Variants in SH3D19 observed in about 807,000 individuals in gnomAD.
SH3D19 encodes the protein SH3 domain containing 19, also known as SH3 domain-containing protein 19.
SH3D19 carries 58 observed loss-of-function variants against 112.1 expected under a neutral mutation model. The observed-to-expected ratio is 0.52, with a 90% confidence interval of 0.42 to 0.64. SH3D19 has a LOEUF of 0.64. Ranked by LOEUF, SH3D19 falls within the 30% of genes least tolerant of loss-of-function variation. SH3D19 has a pLI of 0.00. For missense variants in SH3D19, 1,090 were observed against 1,263.4 expected, an observed-to-expected ratio of 0.86 and a Z score of 2.08; for synonymous variants, 391 against 448.5, an observed-to-expected ratio of 0.87 and a Z score of 1.62.
At chr4:151,124,803 A>G (rs565575309) in intron 19 of SH3D19, among the ~76,000 whole-genome samples, 88 of 152,318 alleles carry the variant, frequency 5.8e-4, no homozygotes, top group Non-Finnish European at 1.2e-3. Flanking sequence ...TCCCTTAACA[A>G]CAACAATAAC....
Position 151,121,977 on chromosome 4 carries a change from T to C in SH3D19, c.*114A>G. The stretch of plus-strand genomic sequence containing the variant: ...TTTCAGAAAATTCTAGTGTACCATG[T>C]ACAGCTTAGATATTTCTTTTTCAGT... On this transcript the variant is annotated 3_prime_UTR_variant, in exon 20 of 20. Coordinates refer to ENST00000604030, the MANE Select transcript of SH3D19 (RefSeq NM_001378122.1). 3.0e-6 allele frequency: 2 copies of C among 666,610 alleles called. No homozygotes were observed. Among genetic ancestry groups the C allele is most frequent in the Non-Finnish European group, 5.3e-6 (2 of 374,906 alleles). The allele number at this position is 666,610 out of a possible 1,614,324, so 41.3% of individuals were successfully genotyped here.
In SH3D19 at chr4:151,127,663, G is replaced by C; in HGVS notation, c.2982C>G (p.Ala994=). ...CATTCTCCCCTCGGAAATCATATAAGGCTTTGGCCTTCCTCCCCTTCGGTA... is the reference window on the plus strand; with the variant it reads ...CATTCTCCCCTCGGAAATCATATAACGCTTTGGCCTTCCTCCCCTTCGGTA... ...AIVPKGRKAK[A]LYDFRGENED... The change falls in exon 19 of 20, where the codon GCC becomes GCG. Residue 994 remains alanine (A), a synonymous_variant. Transcript: ENST00000604030. The C allele has an allele frequency of 6.2e-7, 1 of 1,606,324 alleles. No homozygotes were observed. Among genetic ancestry groups the C allele is most frequent in the Admixed American group, 1.7e-5 (1 of 58,078 alleles).
chr4:151,231,384 T>C (rs1411345961), intron 1 of SH3D19, among the ~76,000 whole-genome samples: 2 of 152,188 alleles, frequency 1.3e-5, no homozygotes, highest in South Asian at 2.1e-4. Flanking sequence ...TTCAAGCATA[T>C]ATATACATAC....
At chr4:151,135,208 A>C in intron 14 of SH3D19, 76 bp from the exon 15 acceptor site, 1 of 1,209,354 alleles carries the variant, frequency 8.3e-7, no homozygotes, top group South Asian at 1.4e-5. Context: ...TTAAGTAATT[A>C]GAAAGTACAT....
intron 17 of SH3D19, among the ~76,000 whole-genome samples, chr4:151,130,758 G>A (rs1046567095): frequency 4.6e-5 from 7 of 152,170 alleles, no homozygotes; most frequent in Middle Eastern, 3.4e-3. Context: ...TGGCCAAGAC[G>A]GTAAAACCCC....
intron 11 of SH3D19, among the ~76,000 whole-genome samples, chr4:151,144,754 A>C (rs538521267): frequency 1.8e-4 from 28 of 152,230 alleles, no homozygotes; most frequent in African/African-American, 6.5e-4. Context: ...TCTGATACCA[A>C]GTGTCTACTT....
At chr4:151,288,081 G>A (rs962424331) in intron 1 of SH3D19, among the ~76,000 whole-genome samples, 2 of 150,970 alleles carry the variant, frequency 1.3e-5, no homozygotes, top group Admixed American at 6.6e-5. Context: ...AACGCTTCAC[G>A]TTAAAAAAAA....
At chr4:151,279,755 A>G (rs765583682) in intron 1 of SH3D19, 2 of 1,593,112 alleles carry the variant, frequency 1.3e-6, no homozygotes, top group Non-Finnish European at 1.7e-6. Flanking sequence ...GAGAAACAGG[A>G]CTCCTAGGTT....
rs1445739712 is a variant in SH3D19, at chr4:151,325,511, C to T, written c.-159G>A. On this transcript the variant is annotated 5_prime_UTR_variant, in exon 1 of 20. Transcript: ENST00000604030. ...CGGCGGCTGTGGAAATGGCCACCTC[C>T]GCGAACTCCACCTGCAGCCGGCCGG... 3.8e-5 allele frequency: 12 copies of T among 316,090 alleles called. No homozygotes were observed. The highest frequency in any genetic ancestry group is 1.5e-4 in the Admixed American group (3 of 19,808). The allele number at this position is 316,090 out of a possible 1,614,324, so 19.6% of individuals were successfully genotyped here. A position where few individuals can be genotyped will look rare whatever the true frequency, so the allele number is the denominator to read the frequency against.
At chr4:151,191,363 C>T (rs1409395861) in intron 2 of SH3D19, among the ~76,000 whole-genome samples, 1 of 152,126 alleles carries the variant, frequency 6.6e-6, no homozygotes, top group Non-Finnish European at 1.5e-5. Context: ...GAGGACATGA[C>T]ATTTGGGAGG....
At chr4:151,251,495 T>C (rs1250176799) in intron 1 of SH3D19, among the ~76,000 whole-genome samples, 2 of 152,196 alleles carry the variant, frequency 1.3e-5, no homozygotes, top group Non-Finnish European at 2.9e-5. Context: ...CCACTGCACA[T>C]GGCCCATTTG....
chr4:151,293,119 CAAAAT>C (rs1351702567), intron 1 of SH3D19, among the ~76,000 whole-genome samples: 2 of 151,022 alleles, frequency 1.3e-5, no homozygotes, highest in South Asian at 2.1e-4. Flanking sequence ...GACTCTGTCT[CAAAAT>C]AAAATAAAAT....
intron 2 of SH3D19, among the ~76,000 whole-genome samples, chr4:151,202,292 G>T (rs917721969): frequency 2.0e-5 from 3 of 152,122 alleles, no homozygotes; most frequent in Admixed American, 6.5e-5. Flanking sequence ...CCGAGATCGC[G>T]CCACTGAATG....
intron 2 of SH3D19, among the ~76,000 whole-genome samples, chr4:151,198,436 A>T (rs1462254699): frequency 7.1e-6 from 1 of 140,896 alleles, no homozygotes; most frequent in South Asian, 2.1e-4. Flanking sequence ...TATTATATAA[A>T]ATATATATAA....
chr4:151,161,935 C>CT (rs910043751), intron 8 of SH3D19, among the ~76,000 whole-genome samples: 6 of 149,280 alleles, frequency 4.0e-5, no homozygotes, highest in East Asian at 2.0e-4. Context: ...TGGCTAAATT[C>CT]TTTTTTTTTA....
chr4:151,141,693 C>T (rs1753019263), intron 12 of SH3D19, among the ~76,000 whole-genome samples: 1 of 152,138 alleles, frequency 6.6e-6, no homozygotes, highest in Non-Finnish European at 1.5e-5. Context: ...TATACATGTG[C>T]ATGTGTGATT....
intron 1 of SH3D19, among the ~76,000 whole-genome samples, chr4:151,263,653 C>T (rs993701248): frequency 3.3e-5 from 5 of 152,196 alleles, no homozygotes; most frequent in African/African-American, 1.2e-4. Context: ...AGGAAAGGAT[C>T]AGCTTCCAAG....
chr4:151,228,395 A>T (rs773228290), intron 1 of SH3D19, among the ~76,000 whole-genome samples: 2 of 152,176 alleles, frequency 1.3e-5, no homozygotes, highest in Non-Finnish European at 2.9e-5. Flanking sequence ...TCTTGGCTTG[A>T]TCTTTTCCCT....
At chr4:151,130,349 T>C (rs1473852026) in intron 17 of SH3D19, among the ~76,000 whole-genome samples, 1 of 151,968 alleles carries the variant, frequency 6.6e-6, no homozygotes, top group Non-Finnish European at 1.5e-5. Flanking sequence ...CTGAGGTGGA[T>C]TGCTTGAGCC....
Sources: allele counts gnomAD v4.1 joint callset (sites outside exome capture counted in the v4.1 genomes callset), GRCh38; gene constraint gnomAD v4.1.1; transcripts MANE v1.5; gene names NCBI Gene and HGNC (gene_info 2026-07-23, HGNC 2026-07-21).